The following SHROOM3 variants were observed in gnomAD, a reference collection of about 807,000 sequenced individuals.
The protein encoded by SHROOM3 is protein Shroom3.
A neutral mutation model predicts 138.6 loss-of-function variants in SHROOM3; 47 were observed. That is an observed-to-expected ratio of 0.34 (90% CI 0.27 to 0.43). SHROOM3 has a LOEUF of 0.43. SHROOM3 is among the 20% of genes least tolerant of loss of function. The pLI is 1.00. For missense variants in SHROOM3, 2,491 were observed against 2,596.5 expected, an observed-to-expected ratio of 0.96 and a Z score of 0.88; for synonymous variants, 1,062 against 1,063.3, an observed-to-expected ratio of 1.00 and a Z score of 0.02.
intron 1 of SHROOM3, among the ~76,000 whole-genome samples, chr4:76,445,139 A>G (rs1022987948): frequency 6.6e-6 from 1 of 151,716 alleles, no homozygotes. Context: ...TGAAGTTGTT[A>G]TAAGTATCCA....
intron 2 of SHROOM3, chr4:76,573,750 C>A (rs1253967141): frequency 6.6e-6 from 1 of 152,656 alleles, no homozygotes; most frequent in Non-Finnish European, 1.5e-5. Context: ...CCCACACTTA[C>A]AGATTCAGTC....
chr4:76,735,860 AAAAAAAAAATATATATATATATAT>A (rs1298466577), intron 4 of SHROOM3, among the ~76,000 whole-genome samples: 48 of 18,772 alleles, frequency 2.6e-3, no homozygotes, highest in African/African-American at 6.8e-3. Flanking sequence ...AAAAAAAAAA[AAAAAAAAAATATATATATATATAT>A]ATATATATAT....
chr4:76,725,096 T>TTCCTCGTGTTTTTGTTTTTTTC (rs1720665401), intron 3 of SHROOM3, among the ~76,000 whole-genome samples: 1 of 152,200 alleles, frequency 6.6e-6, no homozygotes, highest in Non-Finnish European at 1.5e-5. Context: ...TTGTTTTTTT[T>TTCCTCGTGTTTTTGTTTTTTTC]TCCTCGTGTT....
At position 76,603,581 on chromosome 4, in the gene SHROOM3, TTTC is replaced by T. The variant is rs747225140; in HGVS notation, c.323+47827_323+47829del. On this transcript the variant is annotated intron_variant, in intron 2 of 10. Coordinates refer to ENST00000296043, the MANE Select transcript of SHROOM3 (RefSeq NM_020859.4). ...AAGACCACCATCTTGTATTCTTTCT[TTTC>T]TTCTTCTTTTTTTTAATATTTTAAG... 2.5e-3 allele frequency among the ~76,000 whole-genome samples: 383 copies of T among 152,206 alleles called. 3 individuals carry two copies. Among genetic ancestry groups the T allele is most frequent in the Non-Finnish European group, 3.7e-3 (253 of 67,984 alleles).
chr4:76,738,209 A>G (rs1721133697), intron 4 of SHROOM3, among the ~76,000 whole-genome samples: 1 of 152,170 alleles, frequency 6.6e-6, no homozygotes, highest in African/African-American at 2.4e-5. Context: ...TCCCACCACA[A>G]ACAAATTGTT....
Position 76,738,910 on chromosome 4 carries a change from T to G in SHROOM3, c.737T>G (p.Ile246Ser). Residue 246 changes from isoleucine to serine, a missense_variant, in exon 5 of 11, where the codon ATT (isoleucine) becomes AGT (serine). By Grantham distance (142) the Ile-to-Ser change is moderately radical. Coordinates refer to ENST00000296043, the MANE Select transcript of SHROOM3 (RefSeq NM_020859.4). ...HLSPAKSTGS[I>S]DQLSHFHNKR... ...TCCCCTGCCAAGTCCACCGGCAGCA[T>G]TGACCAGCTCAGCCACTTCCATAAC... 6.2e-7 allele frequency: 1 copy of G among 1,614,236 alleles called. No individual in the cohort carries two copies.
At chr4:76,696,226 A>G (rs571742308) in intron 2 of SHROOM3, among the ~76,000 whole-genome samples, 1 of 152,300 alleles carries the variant, frequency 6.6e-6, no homozygotes, top group South Asian at 2.1e-4. Context: ...CTCACAATAG[A>G]CGCACATGGT....
At chr4:76,502,971 T>C (rs535791499) in intron 1 of SHROOM3, among the ~76,000 whole-genome samples, 3 of 152,210 alleles carry the variant, frequency 2.0e-5, no homozygotes, top group East Asian at 1.9e-4. Context: ...TGTTTTCTTG[T>C]ATGCTATGTT....
Position 76,696,909 on chromosome 4 carries a change from G to A in SHROOM3, c.324-13247G>A, listed in dbSNP as rs543762513. ...GTTCAAGATGAAAACAAAACTAGCC[G>A]AGAGGTTTTTGTTGTTGTTTTTATA... On this transcript the variant is annotated intron_variant, in intron 2 of 10. Transcript: ENST00000296043. Among the ~76,000 whole-genome samples, 23 of 152,112 alleles carry A rather than the reference G, an allele frequency of 1.5e-4. No homozygotes were observed. The South Asian group carries it at 4.4e-3, about 29-fold the overall frequency.
At chr4:76,685,485 T>C (rs991032735) in intron 2 of SHROOM3, among the ~76,000 whole-genome samples, 3 of 152,078 alleles carry the variant, frequency 2.0e-5, no homozygotes, top group African/African-American at 7.2e-5. Flanking sequence ...AAGCTGAGGG[T>C]TGGACAAGCT....
At chr4:76,610,728 C>A (rs543909747) in intron 2 of SHROOM3, among the ~76,000 whole-genome samples, 2 of 152,268 alleles carry the variant, frequency 1.3e-5, no homozygotes, top group African/African-American at 4.8e-5. Flanking sequence ...TGTTGGCATC[C>A]GTGTAGAGGG....
chr4:76,580,348 C>A lies in SHROOM3; in HGVS notation c.323+24585C>A, dbSNP rs910046047. Among the ~76,000 whole-genome samples, 5 of 152,168 alleles carry A rather than the reference C, an allele frequency of 3.3e-5. 1 individual carries two copies. In the South Asian group the frequency reaches 6.2e-4, roughly 19 times the overall value. On this transcript the variant is annotated intron_variant, in intron 2 of 10. Coordinates refer to ENST00000296043, the MANE Select transcript of SHROOM3 (RefSeq NM_020859.4). Reference sequence around the variant, plus strand: ...TCCCATTCCGAAGTTGCCGTAAATCCAATATGTGCAGTAGTGTTTAAGAGC... The same window carrying A: ...TCCCATTCCGAAGTTGCCGTAAATCAAATATGTGCAGTAGTGTTTAAGAGC...
At chr4:76,725,501 AATG>A (rs1484949180) in intron 3 of SHROOM3, among the ~76,000 whole-genome samples, 1 of 152,206 alleles carries the variant, frequency 6.6e-6, no homozygotes, top group Admixed American at 6.5e-5. Context: ...TGGGGTACAT[AATG>A]ATGTTTCAGT....
In SHROOM3 at chr4:76,492,488, A is replaced by C. The variant is rs139393697; in HGVS notation, c.168+56268A>C. Among the ~76,000 whole-genome samples, 423 of 152,318 alleles carry C rather than the reference A, an allele frequency of 2.8e-3. 2 individuals carry two copies. Among genetic ancestry groups the C allele is most frequent in the African/African-American group, 9.6e-3 (399 of 41,568 alleles). On this transcript the variant is annotated intron_variant, in intron 1 of 10. Transcript: ENST00000296043. ...TCTTTTCGGTCATTTTATCCTTTTT[A>C]AGTTTACAAAATTATTTTAGAATTT...
At chr4:76,758,292 G>GT (rs1438669032) in intron 8 of SHROOM3, 1 of 152,178 alleles carries the variant, frequency 6.6e-6, no homozygotes. Flanking sequence ...ACCATGGGTG[G>GT]TTGCAGTATG....
intron 1 of SHROOM3, among the ~76,000 whole-genome samples, chr4:76,465,282 A>G (rs1242408707): frequency 1.3e-5 from 2 of 152,210 alleles, no homozygotes; most frequent in South Asian, 2.1e-4. Flanking sequence ...CTCAGATGTT[A>G]CTTCAGGAGA....
At chr4:76,662,246 T>C (rs1442567888) in intron 2 of SHROOM3, among the ~76,000 whole-genome samples, 1 of 150,936 alleles carries the variant, frequency 6.6e-6, no homozygotes, top group Non-Finnish European at 1.5e-5. Flanking sequence ...AGCTCCTTCT[T>C]GTTGTTGTTT....
At chr4:76,683,513 TTCTC>T (rs146791426) in intron 2 of SHROOM3, among the ~76,000 whole-genome samples, 7,781 of 152,094 alleles carry the variant, frequency 0.051, 666 homozygotes, top group African/African-American at 0.17. Flanking sequence ...TCCATCTCTT[TTCTC>T]TCTCTCTTTC....
At position 76,555,729 on chromosome 4, in the gene SHROOM3, G is replaced by A; in HGVS notation, c.289G>A (p.Gly97Arg). 1.2e-6 allele frequency: 2 copies of A among 1,613,856 alleles called. No individual in the cohort carries two copies. The highest frequency in any genetic ancestry group is 1.7e-6 in the Non-Finnish European group (2 of 1,180,004). The change falls in exon 2 of 11, where the codon GGA (glycine) becomes AGA (arginine). Residue 97 changes from glycine (G) to arginine (R), a missense_variant. Transcript: ENST00000296043. ...SRKEAVSLVK[G>R]SYKTLRLVVR... is the part of the protein sequence containing the mutation. The stretch of plus-strand genomic sequence containing the variant: ...AAAGGAGGCAGTTTCCCTGGTGAAA[G>A]GATCCTACAAGACCCTCAGGCTGGT...
Sources: gnomAD v4.1 joint callset for allele counts (sites outside exome capture counted in the v4.1 genomes callset) on GRCh38, gnomAD v4.1.1 for gene constraint, MANE v1.5 for transcripts, NCBI Gene and HGNC (gene_info 2026-07-23, HGNC 2026-07-21) for gene names.